The following RELCH variants were observed in gnomAD, a reference collection of about 807,000 sequenced individuals.
RELCH encodes RAB11 binding and LisH domain, coiled-coil and HEAT repeat containing.
In RELCH, 41 loss-of-function variants were observed where a neutral mutation model predicts 150.3. That is an observed-to-expected ratio of 0.27 (90% CI 0.21 to 0.35). RELCH has a LOEUF of 0.35. Ranked by LOEUF, RELCH falls within the 10% of genes least tolerant of loss-of-function variation. RELCH has a pLI of 1.00. For missense variants in RELCH, 1,092 were observed against 1,467.8 expected (o/e 0.74, Z 4.18); for synonymous variants, 478 against 531.8 (o/e 0.90, Z 1.39).
In RELCH at chr18:62,221,422, C is replaced by T. The variant is rs1457627199; in HGVS notation, c.783C>T (p.Phe261=). 1 of 1,598,496 alleles carries T rather than the reference C, an allele frequency of 6.3e-7. No individual in the cohort carries two copies. Among genetic ancestry groups the T allele is most frequent in the African/African-American group, 1.3e-5 (1 of 74,460 alleles). ...IKPLEKRALN[F]LVNEFLLKNN... is the part of the protein sequence containing the mutation. Reference sequence around the variant, plus strand: ...CTCTTGAAAAGAGAGCTCTAAACTTCTTAGTCAATGAATTTTTATTGAAGA... The same window carrying T: ...CTCTTGAAAAGAGAGCTCTAAACTTTTTAGTCAATGAATTTTTATTGAAGA... The change falls in exon 5 of 29, where the codon TTC becomes TTT. Residue 261 remains phenylalanine, a synonymous_variant. Transcript: ENST00000644646.
chr18:62,229,792 A>C (rs1211717822), intron 8 of RELCH, among the ~76,000 whole-genome samples: 2 of 152,002 alleles, frequency 1.3e-5, no homozygotes, highest in Non-Finnish European at 2.9e-5. Flanking sequence ...TCCCACATGC[A>C]CAAATGAAAC....
chr18:62,218,855 C>T (rs1422822817), intron 2 of RELCH, among the ~76,000 whole-genome samples: 1 of 151,828 alleles, frequency 6.6e-6, no homozygotes, highest in African/African-American at 2.4e-5. Flanking sequence ...AAGGTTGTTC[C>T]GCACAATGTC....
chr18:62,223,718 G>A (rs2041025973), intron 5 of RELCH, among the ~76,000 whole-genome samples: 1 of 151,936 alleles, frequency 6.6e-6, no homozygotes. Flanking sequence ...ATGTTAAAAG[G>A]ACAATTCATT....
chr18:62,261,686 A>G (rs369548569), intron 16 of RELCH, 28 bp downstream of exon 16: 372 of 1,589,018 alleles, frequency 2.3e-4, no homozygotes, highest in Non-Finnish European at 3.1e-4. Flanking sequence ...TGGAAGAAAA[A>G]TGTAGAATAT....
In RELCH at chr18:62,287,369, A is replaced by G. The variant is rs369562244; in HGVS notation, c.3272A>G (p.His1091Arg). The G allele has an allele frequency of 3.8e-6, 6 of 1,599,260 alleles. No homozygotes were observed. Among genetic ancestry groups the G allele is most frequent in the Admixed American group, 3.4e-5 (2 of 59,578 alleles). The change falls in exon 26 of 29, where the codon CAT (histidine) becomes CGT (arginine). Residue 1091 changes from histidine to arginine, a missense_variant. By Grantham distance (29) the His-to-Arg change is conservative. Transcript: ENST00000644646. Reference sequence around the variant, plus strand: ...TTTTCAGTTGTTATACCACATTTGCATAAGTTAGCCTTGGTGAACAACTTA... The same window carrying G: ...TTTTCAGTTGTTATACCACATTTGCGTAAGTTAGCCTTGGTGAACAACTTA... ...FRDEFVIPHLHKLALVNNLQI... is the reference protein window; with the variant it reads ...FRDEFVIPHLRKLALVNNLQI...
intron 11 of RELCH, among the ~76,000 whole-genome samples, chr18:62,248,396 C>T (rs1217239879): frequency 2.6e-5 from 4 of 152,130 alleles, no homozygotes; most frequent in Admixed American, 1.3e-4. Flanking sequence ...TTATGAAAGT[C>T]TTTGAAGTTT....
intron 10 of RELCH, among the ~76,000 whole-genome samples, chr18:62,237,858 AAATT>A (rs1176863631): frequency 8.6e-5 from 13 of 151,840 alleles, no homozygotes; most frequent in African/African-American, 3.1e-4. Context: ...GCTGTCTAAT[AAATT>A]AACTTTTTTA....
chr18:62,291,714 T>G, intron 27 of RELCH, 83 bp downstream of exon 27: 2 of 856,528 alleles, frequency 2.3e-6, no homozygotes, highest in African/African-American at 1.8e-5. Flanking sequence ...GTGAGGCTTA[T>G]GATATGCTGT....
intron 10 of RELCH, chr18:62,235,464 T>C (rs2041832583): frequency 6.6e-6 from 1 of 152,106 alleles, no homozygotes; most frequent in East Asian, 1.9e-4. Context: ...ATGAATTTGA[T>C]GCTCAGCCTT....
intron 22 of RELCH, among the ~76,000 whole-genome samples, chr18:62,276,868 C>G (rs2044239410): frequency 6.6e-6 from 1 of 152,022 alleles, no homozygotes; most frequent in South Asian, 2.1e-4. Flanking sequence ...ATGTCTAGTA[C>G]AAGTTCCTTC....
At chr18:62,265,867 T>A (rs938606181) in intron 18 of RELCH, among the ~76,000 whole-genome samples, 1 of 152,030 alleles carries the variant, frequency 6.6e-6, no homozygotes, top group Non-Finnish European at 1.5e-5. Context: ...TAAATTAATG[T>A]GCCTCACCTA....
intron 27 of RELCH, among the ~76,000 whole-genome samples, chr18:62,293,347 C>T (rs567084017): frequency 1.3e-5 from 2 of 152,260 alleles, no homozygotes; most frequent in South Asian, 2.1e-4. Flanking sequence ...GCAGAACACT[C>T]AGGCAGGAAT....
chr18:62,205,057 A>T (rs1599815635), intron 1 of RELCH, among the ~76,000 whole-genome samples: 1 of 152,218 alleles, frequency 6.6e-6, no homozygotes, highest in Non-Finnish European at 1.5e-5. Context: ...CCAGTTAACC[A>T]TACTTGGTTT....
intron 8 of RELCH, among the ~76,000 whole-genome samples, chr18:62,229,093 T>C (rs2041393938): frequency 6.6e-6 from 1 of 152,102 alleles, no homozygotes; most frequent in Non-Finnish European, 1.5e-5. Flanking sequence ...AACTCGCAGA[T>C]GACAAAAACC....
At chr18:62,280,513 T>G in intron 23 of RELCH, 133 bp from the exon 24 acceptor site, 8 of 1,429,852 alleles carry the variant, frequency 5.6e-6, no homozygotes, top group Non-Finnish European at 7.9e-6. Context: ...GTCTGCTTTT[T>G]TTAAATTTAT....
intron 27 of RELCH, among the ~76,000 whole-genome samples, chr18:62,298,386 CT>C (rs1198222101): frequency 1.3e-5 from 2 of 152,024 alleles, no homozygotes; most frequent in Non-Finnish European, 2.9e-5. Flanking sequence ...AGGGATCTTG[CT>C]TTTTGCAACC....
chr18:62,266,808 C>A, intron 19 of RELCH, 59 bp downstream of exon 19: 1 of 980,878 alleles, frequency 1.0e-6, no homozygotes, highest in Non-Finnish European at 1.6e-6. Context: ...AGGAAAAATA[C>A]TATATTCTCC....
chr18:62,301,654 T>C (rs185327629), intron 28 of RELCH, among the ~76,000 whole-genome samples: 2 of 152,232 alleles, frequency 1.3e-5, no homozygotes, highest in Admixed American at 1.3e-4. Flanking sequence ...GTCTGAGAAT[T>C]TGTATTGGTA....
chr18:62,268,791 AAATAT>A, intron 19 of RELCH, 73 bp from the exon 20 acceptor site: 2 of 696,174 alleles, frequency 2.9e-6, no homozygotes, highest in Non-Finnish European at 4.6e-6. Flanking sequence ...TTGTAATTTT[AAATAT>A]AATCGCATTA....
Sources: allele counts gnomAD v4.1 joint callset (sites outside exome capture counted in the v4.1 genomes callset), GRCh38; gene constraint gnomAD v4.1.1; transcripts MANE v1.5; gene names NCBI Gene and HGNC (gene_info 2026-07-23, HGNC 2026-07-21).